CWC22: variants seen among roughly 807,000 people sequenced by gnomAD.
The protein encoded by CWC22 is pre-mRNA-splicing factor CWC22 homolog.
A neutral mutation model predicts 117.2 loss-of-function variants in CWC22; 53 were observed. The observed-to-expected ratio is 0.45, with a 90% confidence interval of 0.36 to 0.57. The LOEUF (loss-of-function observed/expected upper bound fraction) is 0.57, where lower values mean the gene tolerates loss of function less well. Among genes scored for constraint, CWC22 ranks in the 20% least tolerant of loss-of-function variants. The probability of loss-of-function intolerance (pLI) is 0.00; values close to 1 mark genes in which losing one functional copy is unlikely to be tolerated. For synonymous variants in CWC22, 360 were observed against 355.6 expected, an observed-to-expected ratio of 1.01 and a Z score of -0.14; for missense variants, 980 against 1,068.8, an observed-to-expected ratio of 0.92 and a Z score of 1.16.
intron 19 of CWC22, among the ~76,000 whole-genome samples, chr2:179,948,422 G>A (rs1018153346): frequency 2.0e-5 from 3 of 152,108 alleles, no homozygotes; most frequent in East Asian, 3.9e-4. Flanking sequence ...AAAGATGGAT[G>A]TTAAAATTAG....
chr2:179,975,556 GAACT>G (rs1421893921), intron 6 of CWC22, among the ~76,000 whole-genome samples: 3 of 152,000 alleles, frequency 2.0e-5, no homozygotes, highest in South Asian at 4.1e-4. Flanking sequence ...AAAATTGTTA[GAACT>G]AATAAACTAA....
chr2:179,945,165 G>C lies in CWC22; in HGVS notation c.2691C>G (p.Asp897Glu). The C allele has an allele frequency of 1.2e-6, 2 of 1,605,074 alleles. No individual in the cohort carries two copies. The highest frequency in any genetic ancestry group is 1.7e-6 in the Non-Finnish European group (2 of 1,177,750). ...TTGCTGGAGACTTTTCTCTTCGCCGGTCCTGATTTTTCTTTGATTCTCTGG... is the reference window on the plus strand; with the variant it reads ...TTGCTGGAGACTTTTCTCTTCGCCGCTCCTGATTTTTCTTTGATTCTCTGG... ...EQSRESKKNQ[D>E]RRREKSPAKQ... is the part of the protein sequence containing the mutation. Residue 897 changes from aspartate (D) to glutamate (E), a missense_variant, in exon 20 of 20, where the codon GAC (aspartate) becomes GAG (glutamate). Around this residue, in one of 3 missense-constraint regions of CWC22, gnomAD observed 306 missense variants for 296.8 expected, o/e 1.03. Transcript: ENST00000410053.
At chr2:179,991,089 C>T (rs560905556) in intron 2 of CWC22, among the ~76,000 whole-genome samples, 42 of 152,092 alleles carry the variant, frequency 2.8e-4, no homozygotes, top group Non-Finnish European at 3.2e-4. Context: ...TAAAATTTTT[C>T]GAAATTGTTC....
chr2:180,006,529 G>A (rs557785978), intron 1 of CWC22, among the ~76,000 whole-genome samples: 2 of 152,254 alleles, frequency 1.3e-5, no homozygotes, highest in East Asian at 3.9e-4. Flanking sequence ...AGTATTTACA[G>A]GGCAAATAAA....
In CWC22 at chr2:179,988,533, C is replaced by T. The variant is rs369827545; in HGVS notation, c.95+44G>A. On this transcript the variant is annotated intron_variant, in intron 3 of 19. Coordinates refer to ENST00000410053, the MANE Select transcript of CWC22 (RefSeq NM_020943.3). ...GAGCTAAATTATTACATAAACCTTA[C>T]TATAAAAATTTACATTGCATTCAGA... 2.1e-4 allele frequency: 210 copies of T among 997,312 alleles called. 1 individual carries two copies. In the African/African-American group the frequency reaches 2.9e-3, roughly 14 times the overall value. The allele number at this position is 997,312 out of a possible 1,614,324, so 61.8% of individuals were successfully genotyped here.
At chr2:179,986,174 G>C (rs1007216373) in intron 4 of CWC22, among the ~76,000 whole-genome samples, 3 of 152,028 alleles carry the variant, frequency 2.0e-5, no homozygotes, top group Non-Finnish European at 4.4e-5. Context: ...TTAGCCACAG[G>C]AACAGGTGGG....
At chr2:179,962,834 T>C (rs1686788932) in intron 13 of CWC22, among the ~76,000 whole-genome samples, 1 of 152,108 alleles carries the variant, frequency 6.6e-6, no homozygotes, top group African/African-American at 2.4e-5. Context: ...AAATGATGAA[T>C]GTTTAAAGAG....
At chr2:179,946,464 A>AGGG (rs1553556645) in intron 19 of CWC22, among the ~76,000 whole-genome samples, 36 of 92,504 alleles carry the variant, frequency 3.9e-4, no homozygotes, top group Non-Finnish European at 6.0e-4. Context: ...AAAAAAAAAA[A>AGGG]GGGGGGGGGG....
chr2:179,953,198 G>T (rs1390117580), intron 16 of CWC22, among the ~76,000 whole-genome samples: 1 of 152,016 alleles, frequency 6.6e-6, no homozygotes, highest in Non-Finnish European at 1.5e-5. Context: ...GGGGAAAAAA[G>T]AAGTCAAAAA....
intron 12 of CWC22, among the ~76,000 whole-genome samples, chr2:179,965,540 CA>C (rs2105522291): frequency 6.6e-6 from 1 of 152,242 alleles, no homozygotes; most frequent in African/African-American, 2.4e-5. Flanking sequence ...CACATGAACT[CA>C]ATAAGAAAAC....
chr2:179,964,696 T>C (rs1686845613), intron 12 of CWC22, 68 bp from the exon 13 acceptor site: 2 of 726,436 alleles, frequency 2.8e-6, no homozygotes, highest in Non-Finnish European at 4.5e-6. Context: ...TGTAACTCTG[T>C]ATAGCATTTT....
At chr2:179,988,798 A>G (rs914633741) in intron 2 of CWC22, among the ~76,000 whole-genome samples, 154 bp from the exon 3 acceptor site, 6 of 152,208 alleles carry the variant, frequency 3.9e-5, no homozygotes, top group African/African-American at 9.6e-5. Context: ...TAAACAGTCT[A>G]TAAGATAAAA....
At chr2:179,998,840 T>C (rs1240554746) in intron 1 of CWC22, among the ~76,000 whole-genome samples, 1 of 152,108 alleles carries the variant, frequency 6.6e-6, no homozygotes, top group Non-Finnish European at 1.5e-5. Flanking sequence ...TGCACAAGAT[T>C]TAGCGTTTTC....
In CWC22 at chr2:180,001,435, C is replaced by G. The variant is rs189365192; in HGVS notation, c.-114+5432G>C. 2.6e-5 allele frequency among the ~76,000 whole-genome samples: 4 copies of G among 152,146 alleles called. No individual in the cohort carries two copies. In the East Asian group the frequency reaches 5.8e-4, roughly 22 times the overall value. ...CCACCACCCAGGTTCAAGTGATTCT[C>G]ATGCCTCAGCCTCCTCCTGAATAGC... On this transcript the variant is annotated intron_variant, in intron 1 of 19. Transcript: ENST00000410053.
rs1029623321 is a variant in CWC22 at position 179,990,992 on chromosome 2, C to T, written c.27+2323G>A. Among the ~76,000 whole-genome samples the T allele has an allele frequency of 5.3e-5, 8 of 152,268 alleles. No homozygotes were observed. The South Asian group carries it at 6.2e-4, about 12-fold the overall frequency. ...TCAGGTATGAATCAAATATTAAGAA[C>T]CTGAATTTCCCTATTTCTTTTATCA... is the stretch of plus-strand genomic sequence containing the variant. On this transcript the variant is annotated intron_variant, in intron 2 of 19. Transcript: ENST00000410053.
intron 4 of CWC22, among the ~76,000 whole-genome samples, chr2:179,986,002 C>T (rs955320413): frequency 6.6e-6 from 1 of 152,038 alleles, no homozygotes; most frequent in African/African-American, 2.4e-5. Flanking sequence ...TTATAATACT[C>T]TGCCTAGATT....
At chr2:179,965,208 T>C (rs909302196) in intron 12 of CWC22, among the ~76,000 whole-genome samples, 3 of 152,130 alleles carry the variant, frequency 2.0e-5, no homozygotes, top group African/African-American at 4.8e-5. Context: ...TTACAAAATA[T>C]GTTATAGAAG....
intron 11 of CWC22, 49 bp downstream of exon 11, chr2:179,970,452 A>G: frequency 7.0e-7 from 1 of 1,422,712 alleles, no homozygotes; most frequent in Non-Finnish European, 9.5e-7. Flanking sequence ...TAACTACTTA[A>G]ATTGCTTCTA....
Position 179,945,581 on chromosome 2 carries a change from C to T in CWC22, c.2275G>A (p.Glu759Lys), listed in dbSNP as rs779850018. ...TGTTTTTCTGACCTTCTTTCTCTCT[C>T]AGTCCTTGTTTCCTGGTGCCCGTGT... ...QEHGHQETRT[E>K]RERRSEKHRD... The change falls in exon 20 of 20, where the codon GAG becomes AAG. Residue 759 changes from glutamate to lysine, a missense_variant. By Grantham distance (56) the Glu-to-Lys change is moderately conservative. This residue lies in a region of CWC22 where 306 missense variants were observed against 296.8 expected (regional missense o/e 1.03). Coordinates refer to ENST00000410053, the MANE Select transcript of CWC22 (RefSeq NM_020943.3). The T allele has an allele frequency of 1.4e-5, 22 of 1,613,558 alleles. No homozygotes were observed. The highest frequency in any genetic ancestry group is 2.7e-5 in the African/African-American group (2 of 74,910).
Sources: allele counts gnomAD v4.1 joint callset (sites outside exome capture counted in the v4.1 genomes callset), GRCh38; gene constraint gnomAD v4.1.1; regional missense constraint gnomAD v4.1.1; transcripts MANE v1.5; gene names NCBI Gene and HGNC (gene_info 2026-07-23, HGNC 2026-07-21).